PKP1: variants seen among roughly 807,000 people sequenced by gnomAD.
PKP1 encodes plakophilin-1.
In PKP1, 27 loss-of-function variants were observed where a neutral mutation model predicts 76.4. The observed-to-expected ratio is 0.35, with a 90% confidence interval of 0.26 to 0.49. The LOEUF (loss-of-function observed/expected upper bound fraction) is 0.49. Among genes scored for constraint, PKP1 ranks in the 20% least tolerant of loss-of-function variants. PKP1 has a pLI of 0.99. For synonymous variants in PKP1, 404 were observed against 384.2 expected, an observed-to-expected ratio of 1.05 and a Z score of -0.60; for missense variants, 964 against 955.2, an observed-to-expected ratio of 1.01 and a Z score of -0.12.
intron 2 of PKP1, among the ~76,000 whole-genome samples, chr1:201,307,605 G>A (rs960630657): frequency 6.6e-6 from 1 of 152,250 alleles, no homozygotes; most frequent in Non-Finnish European, 1.5e-5. Context: ...AGCCACTTGC[G>A]AGGTGCCCCT....
chr1:201,300,116 C>A (rs1426871293), intron 2 of PKP1, among the ~76,000 whole-genome samples: 1 of 152,236 alleles, frequency 6.6e-6, no homozygotes, highest in Non-Finnish European at 1.5e-5. Context: ...CAGGCTCTCA[C>A]CCCAACAAGA....
At chr1:201,323,769 TA>T (rs1657022051) in intron 9 of PKP1, among the ~76,000 whole-genome samples, 1 of 152,006 alleles carries the variant, frequency 6.6e-6, no homozygotes, top group Non-Finnish European at 1.5e-5. Context: ...AGCACTAGAG[TA>T]GACCGAGGGC....
At position 201,322,020 on chromosome 1, in the gene PKP1, C is replaced by A; in HGVS notation, c.1390C>A (p.Arg464Ser). 6.2e-7 allele frequency: 1 copy of A among 1,614,098 alleles called. No individual in the cohort carries two copies. The highest frequency in any genetic ancestry group is 1.7e-5 in the Admixed American group (1 of 60,024). The change falls in exon 8 of 14, where the codon CGC becomes AGC. Residue 464 changes from arginine (R) to serine (S), a missense_variant. Physicochemically the swap from Arg to Ser is moderately radical, Grantham distance 110 (BLOSUM62 -1). Coordinates refer to ENST00000367324, the MANE Select transcript of PKP1 (RefSeq NM_001005337.3). ...GTGTGTTCTGCACAACCTCTCCTAC[C>A]GCCTGGACGCCGAGGTGCCCACCCG... ...CMCVLHNLSY[R>S]LDAEVPTRYR...
At chr1:201,306,821 C>T (rs1315735991) in intron 2 of PKP1, among the ~76,000 whole-genome samples, 2 of 148,282 alleles carry the variant, frequency 1.3e-5, no homozygotes, top group Non-Finnish European at 3.0e-5. Flanking sequence ...ACTATAGGCG[C>T]CCACCACCGT....
intron 1 of PKP1, among the ~76,000 whole-genome samples, chr1:201,290,738 A>G (rs1005652829): frequency 6.6e-6 from 1 of 152,228 alleles, no homozygotes; most frequent in Non-Finnish European, 1.5e-5. Flanking sequence ...CAGCTGGGGC[A>G]ATGCCCTGAA....
rs1349545594 is a variant in PKP1 at position 201,316,534 on chromosome 1, C to T, written c.702-19C>T. The T allele has an allele frequency of 6.3e-7, 1 of 1,593,268 alleles. No homozygotes were observed. The highest frequency in any genetic ancestry group is 2.3e-5 in the East Asian group (1 of 44,154). Reference sequence around the variant, plus strand: ...TCCCAGCCCACCCCGTAACCACCCCCACTGCCTATTCTTCACAGGATCTGC... The same window carrying T: ...TCCCAGCCCACCCCGTAACCACCCCTACTGCCTATTCTTCACAGGATCTGC... On this transcript the variant is annotated intron_variant, in intron 3 of 13. Transcript: ENST00000367324.
At chr1:201,301,881 C>G (rs1656241978) in intron 2 of PKP1, among the ~76,000 whole-genome samples, 1 of 152,210 alleles carries the variant, frequency 6.6e-6, no homozygotes, top group South Asian at 2.1e-4. Flanking sequence ...CACACGCTAA[C>G]TTAAACCTCT....
intron 2 of PKP1, among the ~76,000 whole-genome samples, chr1:201,312,031 G>T (rs1442112811): frequency 6.6e-6 from 1 of 152,176 alleles, no homozygotes. Flanking sequence ...TTTTGTGCCG[G>T]ATTGAGCCTC....
Position 201,320,317 on chromosome 1 carries a change from G to A in PKP1, c.1283G>A (p.Gly428Glu), listed in dbSNP as rs748356700. 2.7e-5 allele frequency: 43 copies of A among 1,614,054 alleles called. No individual in the cohort carries two copies. The highest frequency in any genetic ancestry group is 3.3e-5 in the Admixed American group (2 of 60,012). Residue 428 changes from glycine to glutamate, a missense_variant, in exon 7 of 14, where the codon GGG becomes GAG. By Grantham distance (98) the Gly-to-Glu change is moderately conservative. Coordinates refer to ENST00000367324, the MANE Select transcript of PKP1 (RefSeq NM_001005337.3). ...AGRQTMRNYS[G>E]LIDSLMAYVQ... is the part of the protein sequence containing the mutation. ...CGCCAGACCATGCGTAACTACTCAGGGCTCATTGATTCCCTCATGGCCTAT... is the reference window on the plus strand; with the variant it reads ...CGCCAGACCATGCGTAACTACTCAGAGCTCATTGATTCCCTCATGGCCTAT...
intron 11 of PKP1, 26 bp from the exon 12 acceptor site, chr1:201,325,728 C>T (rs890213665): frequency 5.7e-6 from 9 of 1,581,362 alleles, no homozygotes; most frequent in African/African-American, 4.0e-5. Context: ...AATCTCATCT[C>T]ACAAATGCAC....
chr1:201,290,159 G>A (rs1291350816), intron 1 of PKP1, among the ~76,000 whole-genome samples: 2 of 152,204 alleles, frequency 1.3e-5, no homozygotes, highest in Admixed American at 1.3e-4. Flanking sequence ...GGTGACCTGA[G>A]CGGTAGATTT....
chr1:201,324,669 A>T, intron 10 of PKP1, 88 bp downstream of exon 10: 4 of 1,486,032 alleles, frequency 2.7e-6, no homozygotes, highest in Non-Finnish European at 3.7e-6. Context: ...CCTTTAAGCC[A>T]TTCCCTGGGA....
intron 2 of PKP1, among the ~76,000 whole-genome samples, chr1:201,306,071 C>T (rs1026676836): frequency 6.6e-6 from 1 of 152,230 alleles, no homozygotes; most frequent in Non-Finnish European, 1.5e-5. Flanking sequence ...AGGGATTTCC[C>T]TTCCAAAAGG....
intron 2 of PKP1, among the ~76,000 whole-genome samples, chr1:201,297,745 A>G (rs1016974446): frequency 2.6e-5 from 4 of 152,210 alleles, no homozygotes; most frequent in Admixed American, 1.3e-4. Flanking sequence ...TCTGCAAGAC[A>G]CTCATGAGTC....
chr1:201,319,982 T>C, intron 6 of PKP1: 2 of 1,267,584 alleles, frequency 1.6e-6, no homozygotes, highest in East Asian at 2.3e-5. Flanking sequence ...TGAGTGCAAA[T>C]GAGACCTCAT....
In PKP1 at chr1:201,321,972, C is replaced by A. The variant is rs1454101703; in HGVS notation, c.1348-6C>A. 6.2e-7 allele frequency: 1 copy of A among 1,613,946 alleles called. No homozygotes were observed. Among genetic ancestry groups the A allele is most frequent in the Admixed American group, 1.7e-5 (1 of 60,020 alleles). On this transcript the variant is annotated splice_region_variant and splice_polypyrimidine_tract_variant and intron_variant, in intron 7 of 13. Coordinates refer to ENST00000367324, the MANE Select transcript of PKP1 (RefSeq NM_001005337.3). ...GCTCAGGCCCATGCCTCTCCTTGGT[C>A]CCCAGTCTGTGGAAAACTGCATGTG...
At chr1:201,329,466 AG>A (rs1261728766) in intron 13 of PKP1, among the ~76,000 whole-genome samples, 12 of 152,232 alleles carry the variant, frequency 7.9e-5, no homozygotes, top group Admixed American at 2.0e-4. Flanking sequence ...AGTGGGATCC[AG>A]GAAAGTCTAT....
At chr1:201,329,916 G>A (rs996737531) in intron 13 of PKP1, among the ~76,000 whole-genome samples, 158 bp from the exon 14 acceptor site, 1 of 152,212 alleles carries the variant, frequency 6.6e-6, no homozygotes, top group Non-Finnish European at 1.5e-5. Flanking sequence ...TGAATCCACA[G>A]GGCAATCTAT....
At position 201,332,066 on chromosome 1, in the gene PKP1, TTA is replaced by T. The variant is rs1017674236; in HGVS notation, c.*2027_*2028del. On this transcript the variant is annotated 3_prime_UTR_variant, in exon 14 of 14. Coordinates refer to ENST00000367324, the MANE Select transcript of PKP1 (RefSeq NM_001005337.3). ...GACCACATCCCTGTCCTCATGCGGC[TTA>T]TGTTTTCTGGAGGAAAGTGGAGACA... 12 of 152,652 alleles carry T rather than the reference TTA, an allele frequency of 7.9e-5. No individual in the cohort carries two copies. Among genetic ancestry groups the T allele is most frequent in the African/African-American group, 2.9e-4 (12 of 41,588 alleles). The allele number at this position is 152,652 out of a possible 1,614,324, so 9.5% of individuals were successfully genotyped here.
Sources: gnomAD v4.1 joint callset for allele counts (sites outside exome capture counted in the v4.1 genomes callset) on GRCh38, gnomAD v4.1.1 for gene constraint, MANE v1.5 for transcripts, NCBI Gene and HGNC (gene_info 2026-07-23, HGNC 2026-07-21) for gene names.